Variants in CRCP observed in about 807,000 individuals in gnomAD.
CRCP encodes DNA-directed RNA polymerase III subunit RPC9.
A neutral mutation model predicts 18.5 loss-of-function variants in CRCP; 18 were observed. The ratio of observed to expected loss-of-function variants is 0.97; its 90% confidence interval spans 0.67 to 1.44. The LOEUF (loss-of-function observed/expected upper bound fraction) is 1.44, where lower values mean the gene tolerates loss of function less well. Ranked by LOEUF, CRCP falls within the 40% of genes most tolerant of loss-of-function variation. The pLI is 0.00. For synonymous variants in CRCP, 53 were observed against 62.9 expected (o/e 0.84, Z 0.75); for missense variants, 130 against 176.4 (o/e 0.74, Z 1.49).
At chr7:66,127,564 T>TGGAC in intron 1 of CRCP, 140 bp from the exon 2 acceptor site, 1 of 897,058 alleles carries the variant, frequency 1.1e-6, no homozygotes, top group Middle Eastern at 2.2e-4. Context: ...ACTTAGGACA[T>TGGAC]TTCTCAGTTT....
At position 66,134,360 on chromosome 7, in the gene CRCP, C is replaced by T; in HGVS notation, c.225C>T (p.Ser75=). ...GAGAATTTCTCACAGCATTGAAAAG[C>T]CACAAGTTGACCAAGTAAGTAAATC... is the stretch of plus-strand genomic sequence containing the variant. ...IVREFLTALK[S]HKLTKAEKLQ... Residue 75 remains serine (S), a synonymous_variant, in exon 4 of 6, where the codon AGC becomes AGT. Coordinates refer to ENST00000395326, the MANE Select transcript of CRCP (RefSeq NM_014478.5). The T allele has an allele frequency of 3.1e-6, 5 of 1,607,484 alleles. No homozygotes were observed. The South Asian group carries it at 5.5e-5, about 18-fold the overall frequency.
chr7:66,146,210 C>T (rs900681455), intron 5 of CRCP, among the ~76,000 whole-genome samples: 7 of 152,082 alleles, frequency 4.6e-5, no homozygotes, highest in Non-Finnish European at 1.0e-4. Context: ...CTGCATAAAC[C>T]GTTTATTTAG....
At chr7:66,125,361 A>G (rs1258010756) in intron 1 of CRCP, among the ~76,000 whole-genome samples, 1 of 149,592 alleles carries the variant, frequency 6.7e-6, no homozygotes, top group Non-Finnish European at 1.5e-5. Flanking sequence ...AGGACTTCAT[A>G]AAAGGTAGAT....
chr7:66,140,600 C>A (rs1441832116), intron 4 of CRCP, among the ~76,000 whole-genome samples: 3 of 152,104 alleles, frequency 2.0e-5, no homozygotes, highest in Non-Finnish European at 4.4e-5. Flanking sequence ...CCATGTTGGC[C>A]AGGCTGGTCT....
At chr7:66,125,362 A>G (rs1787589515) in intron 1 of CRCP, among the ~76,000 whole-genome samples, 1 of 149,534 alleles carries the variant, frequency 6.7e-6, no homozygotes, top group Admixed American at 6.7e-5. Flanking sequence ...GGACTTCATA[A>G]AAGGTAGATA....
chr7:66,129,650 T>G (rs1430458316), intron 2 of CRCP, among the ~76,000 whole-genome samples: 4 of 151,676 alleles, frequency 2.6e-5, no homozygotes, highest in African/African-American at 7.3e-5. Context: ...CTTAAGTGGT[T>G]GCAGCTTAGA....
At chr7:66,130,582 C>A (rs943518542) in intron 2 of CRCP, among the ~76,000 whole-genome samples, 162 bp from the exon 3 acceptor site, 2 of 151,922 alleles carry the variant, frequency 1.3e-5, no homozygotes, top group African/African-American at 2.4e-5. Flanking sequence ...ATGTAATATG[C>A]CTCTGGGACT....
At chr7:66,141,117 CGTT>C (rs1402873995) in intron 4 of CRCP, among the ~76,000 whole-genome samples, 1 of 152,182 alleles carries the variant, frequency 6.6e-6, no homozygotes, top group Non-Finnish European at 1.5e-5. Flanking sequence ...CTTCAGGCAG[CGTT>C]GTTGTCCAAC....
chr7:66,141,350 G>A (rs962896216), intron 4 of CRCP, among the ~76,000 whole-genome samples: 4 of 151,640 alleles, frequency 2.6e-5, no homozygotes, highest in Admixed American at 2.6e-4. Flanking sequence ...CATTAACCAC[G>A]TGCACTTCTC....
intron 4 of CRCP, among the ~76,000 whole-genome samples, chr7:66,144,310 T>C (rs2116021245): frequency 6.6e-6 from 1 of 152,340 alleles, no homozygotes; most frequent in East Asian, 1.9e-4. Context: ...TTTCTCCAGC[T>C]GGGTTAAGTG....
Position 66,144,626 on chromosome 7 carries a change from C to T in CRCP, c.240-817C>T, listed in dbSNP as rs1049127173. Among the ~76,000 whole-genome samples the T allele has an allele frequency of 5.9e-5, 9 of 152,174 alleles. No individual in the cohort carries two copies. In the East Asian group the frequency reaches 1.4e-3, roughly 23 times the overall value. The stretch of plus-strand genomic sequence containing the variant: ...GACTACAGGTAGCTGGGACTACAGG[C>T]GCAACCCATCATGCCCAGCTAATTT... On this transcript the variant is annotated intron_variant, in intron 4 of 5. Coordinates refer to ENST00000395326, the MANE Select transcript of CRCP (RefSeq NM_014478.5).
intron 4 of CRCP, among the ~76,000 whole-genome samples, chr7:66,136,724 T>C (rs1339732777): frequency 6.6e-6 from 1 of 152,030 alleles, no homozygotes; most frequent in African/African-American, 2.4e-5. Context: ...GAGATTCTGA[T>C]TGGGATTGCC....
chr7:66,118,443 G>T (rs1202575761), intron 1 of CRCP, among the ~76,000 whole-genome samples: 4 of 152,240 alleles, frequency 2.6e-5, no homozygotes, highest in Admixed American at 2.0e-4. Context: ...GTGGGGACCA[G>T]TGTCTGTTCA....
intron 5 of CRCP, chr7:66,150,882 A>G (rs146829018): frequency 1.3e-5 from 2 of 152,282 alleles, no homozygotes; most frequent in African/African-American, 4.8e-5. Context: ...TGCTGCTTTT[A>G]AAAAGGCAGC....
At chr7:66,128,400 T>G (rs2115913883) in intron 2 of CRCP, among the ~76,000 whole-genome samples, 1 of 152,322 alleles carries the variant, frequency 6.6e-6, no homozygotes. Flanking sequence ...ATTAAAATTT[T>G]TATGATTTTT....
intron 1 of CRCP, among the ~76,000 whole-genome samples, chr7:66,115,617 C>T (rs1452384498): frequency 6.6e-6 from 1 of 152,078 alleles, no homozygotes; most frequent in African/African-American, 2.4e-5. Flanking sequence ...CATGCTTGCT[C>T]GTTGCGCCTG....
At position 66,127,712 on chromosome 7, in the gene CRCP, C is replaced by T; in HGVS notation, c.17C>T (p.Ala6Val). The change falls in exon 2 of 6, where the codon GCC becomes GTC. Residue 6 changes from alanine to valine, a missense_variant. Ala to Val is a moderately conservative substitution (Grantham distance 64, BLOSUM62 0). Coordinates refer to ENST00000395326, the MANE Select transcript of CRCP (RefSeq NM_014478.5). ...TTACTTTTCTTTTTCAGGAAGGATG[C>T]CAATTCTGCGCTTCTCAGTAACTAC... MEVKD[A>V]NSALLSNYEV... 2 of 1,614,088 alleles carry T rather than the reference C, an allele frequency of 1.2e-6. No homozygotes were observed. The highest frequency in any genetic ancestry group is 1.7e-6 in the Non-Finnish European group (2 of 1,179,984).
rs371836956 is a variant in CRCP at position 66,130,881 on chromosome 7, T to C, written c.144+39T>C. The C allele has an allele frequency of 2.3e-4, 247 of 1,074,332 alleles. 2 individuals are homozygous for C. The highest frequency in any genetic ancestry group is 2.3e-3 in the South Asian group (171 of 75,226). 66.5% of individuals were successfully genotyped at this position (1,074,332 alleles called of 1,614,324 possible). A position where few individuals can be genotyped will look rare whatever the true frequency, so the allele number is the denominator to read the frequency against. On this transcript the variant is annotated intron_variant, in intron 3 of 5. Transcript: ENST00000395326. ...TCTGCCAGGCCTACCTAAAGTACCATTGAGGGAGGGGGGTTTATTCTCCCA... is the reference window on the plus strand; with the variant it reads ...TCTGCCAGGCCTACCTAAAGTACCACTGAGGGAGGGGGGTTTATTCTCCCA...
upstream of CRCP, chr7:66,114,820 G>A (rs777550703): frequency 3.2e-5 from 50 of 1,585,090 alleles, no homozygotes; most frequent in Non-Finnish European, 3.9e-5. Flanking sequence ...GGTCCGCCAA[G>A]CTCCCGGCAT....
Sources: gnomAD v4.1 joint callset for allele counts (sites outside exome capture counted in the v4.1 genomes callset) on GRCh38, gnomAD v4.1.1 for gene constraint, MANE v1.5 for transcripts, NCBI Gene and HGNC (gene_info 2026-07-23, HGNC 2026-07-21) for gene names.